The following MPDZ variants were observed in gnomAD, a reference collection of about 807,000 sequenced individuals.
MPDZ encodes multiple PDZ domain crumbs cell polarity complex component, also known as multiple PDZ domain protein.
In MPDZ, 234 loss-of-function variants were observed where a neutral mutation model predicts 239.1. The ratio of observed to expected loss-of-function variants is 0.98; its 90% CI spans 0.88 to 1.09. MPDZ has a LOEUF of 1.09. Among genes scored for constraint, MPDZ ranks in the 50% least tolerant of loss-of-function variants. The pLI is 0.00. For synonymous variants in MPDZ, 1,048 were observed against 881.3 expected (o/e 1.19, Z -3.35); for missense variants, 3,175 against 2,510.0 (o/e 1.26, Z -5.66).
At chr9:13,121,980 A>T (rs766651792) in intron 37 of MPDZ, 48 bp from the exon 38 acceptor site, 1 of 1,600,244 alleles carries the variant, frequency 6.2e-7, no homozygotes. Context: ...GAAGTAAAGG[A>T]GAGTTAGGTG....
intron 19 of MPDZ, among the ~76,000 whole-genome samples, chr9:13,181,369 G>T (rs1019298609): frequency 6.6e-6 from 1 of 152,128 alleles, no homozygotes; most frequent in Middle Eastern, 3.4e-3. Context: ...CAAAGAAACA[G>T]GAAGGACACA....
At chr9:13,168,630 T>A in intron 21 of MPDZ, 66 bp from the exon 22 acceptor site, 1 of 1,193,084 alleles carries the variant, frequency 8.4e-7, no homozygotes, top group African/African-American at 1.6e-5. Context: ...TAATTTGAAT[T>A]TAATAATTTC....
chr9:13,147,376 G>A (rs1272636208), intron 26 of MPDZ, among the ~76,000 whole-genome samples, 172 bp downstream of exon 26: 1 of 151,974 alleles, frequency 6.6e-6, no homozygotes, highest in Non-Finnish European at 1.5e-5. Flanking sequence ...CATGGTGGAA[G>A]GGATTTCCAG....
At chr9:13,218,142 A>G (rs1958607405) in intron 8 of MPDZ, among the ~76,000 whole-genome samples, 1 of 151,890 alleles carries the variant, frequency 6.6e-6, no homozygotes, top group Admixed American at 6.6e-5. Context: ...ACAAACTCTG[A>G]CAGTCCACTT....
intron 25 of MPDZ, among the ~76,000 whole-genome samples, chr9:13,149,732 GTC>G (rs1412668599): frequency 6.6e-6 from 1 of 151,994 alleles, no homozygotes; most frequent in African/African-American, 2.4e-5. Flanking sequence ...TGAGAGGAGA[GTC>G]TATTTAAAAT....
chr9:13,151,106 T>A (rs1262287948), intron 24 of MPDZ, among the ~76,000 whole-genome samples: 1 of 151,918 alleles, frequency 6.6e-6, no homozygotes, highest in Admixed American at 6.6e-5. Flanking sequence ...TAAGATACCA[T>A]CTCACATCCA....
At chr9:13,227,228 A>G (rs1290958864) in intron 3 of MPDZ, among the ~76,000 whole-genome samples, 1 of 152,282 alleles carries the variant, frequency 6.6e-6, no homozygotes, top group East Asian at 1.9e-4. Context: ...CTTAACCATT[A>G]TATTAGCTTT....
At chr9:13,201,267 A>C (rs1956354690) in intron 12 of MPDZ, among the ~76,000 whole-genome samples, 1 of 151,900 alleles carries the variant, frequency 6.6e-6, no homozygotes, top group African/African-American at 2.4e-5. Flanking sequence ...TTTGCATGAA[A>C]TTTCTCCATT....
chr9:13,252,613 G>C (rs916257084), intron 1 of MPDZ, among the ~76,000 whole-genome samples: 12 of 150,076 alleles, frequency 8.0e-5, no homozygotes, highest in African/African-American at 2.9e-4. Context: ...GCTCATGCCT[G>C]TAATCCCAGC....
Position 13,143,536 on chromosome 9 carries a change from T to C in MPDZ, c.3770A>G (p.Asn1257Ser), listed in dbSNP as rs774259721. 3.7e-6 allele frequency: 6 copies of C among 1,612,890 alleles called. No homozygotes were observed. Among genetic ancestry groups the C allele is most frequent in the African/African-American group, 2.7e-5 (2 of 74,852 alleles). The change falls in exon 27 of 47, where the codon AAC becomes AGC. Residue 1257 changes from asparagine to serine, a missense_variant. By Grantham distance (46) the Asn-to-Ser change is conservative (BLOSUM62 1). Transcript: ENST00000319217. ...GCTGAAGTTGTACTTAGGGTAAAGG[T>C]TGTGCAGCAAGGAAGGCAAAGGGGA... Reference protein sequence around the residue: ...RKSPLPSLLHNLYPKYNFSST... With the variant: ...RKSPLPSLLHSLYPKYNFSST...
At chr9:13,176,993 G>C (rs1156911020) in intron 19 of MPDZ, among the ~76,000 whole-genome samples, 1 of 152,114 alleles carries the variant, frequency 6.6e-6, no homozygotes, top group African/African-American at 2.4e-5. Context: ...CGATATAACA[G>C]AAGGAATAGT....
intron 1 of MPDZ, among the ~76,000 whole-genome samples, chr9:13,252,378 C>T (rs369573333): frequency 1.1e-4 from 17 of 151,434 alleles, no homozygotes; most frequent in Middle Eastern, 3.4e-3. Flanking sequence ...CCATCCTGGC[C>T]AACATGGTGA....
chr9:13,271,391 A>T (rs1972922531), intron 1 of MPDZ, among the ~76,000 whole-genome samples: 1 of 152,180 alleles, frequency 6.6e-6, no homozygotes, highest in Admixed American at 6.5e-5. Flanking sequence ...GGCAAATAGG[A>T]AACGGAAGAC....
In MPDZ at chr9:13,192,234, A is replaced by G; in HGVS notation, c.1865T>C (p.Leu622Pro). ...GCACACCATTGTCACTTCTATAGGCAGTTCTTTTAAGATATTCACCACATC... is the reference window on the plus strand; with the variant it reads ...GCACACCATTGTCACTTCTATAGGCGGTTCTTTTAAGATATTCACCACATC... ...HQDVVNILKE[L>P]PIEVTMVCCR... is the part of the protein sequence containing the mutation. The change falls in exon 15 of 47, where the codon CTG becomes CCG. Residue 622 changes from leucine to proline, a missense_variant. Transcript: ENST00000319217. The G allele has an allele frequency of 6.2e-7, 1 of 1,607,382 alleles. No individual in the cohort carries two copies. The highest frequency in any genetic ancestry group is 8.5e-7 in the Non-Finnish European group (1 of 1,176,362).
intron 31 of MPDZ, chr9:13,134,318 T>C (rs928225292): frequency 1.3e-5 from 2 of 152,410 alleles, no homozygotes; most frequent in East Asian, 3.9e-4. Context: ...ATCAAGTGAA[T>C]TGAAAACTTT....
At position 13,210,715 on chromosome 9, in the gene MPDZ, G is replaced by A. The variant is rs1024773639; in HGVS notation, c.1291-4616C>T. ...TACTACAGGACTCCAAGGGAATGAT[G>A]GGACTCAAAAGAGACAATCTATGAA... On this transcript the variant is annotated intron_variant, in intron 10 of 46. Transcript: ENST00000319217. Among the ~76,000 whole-genome samples the A allele has an allele frequency of 6.6e-5, 10 of 152,160 alleles. No homozygotes were observed. The South Asian group carries it at 8.3e-4, about 13-fold the overall frequency.
Position 13,186,206 on chromosome 9 carries a change from T to G in MPDZ, c.2481+64A>C, listed in dbSNP as rs767322406. On this transcript the variant is annotated intron_variant, in intron 18 of 46. Transcript: ENST00000319217. Reference sequence around the variant, plus strand: ...ATATAATAGACTTCTTCAGAATATTTTGAAAGGCAAAGTAAGACATATCAG... The same window carrying G: ...ATATAATAGACTTCTTCAGAATATTGTGAAAGGCAAAGTAAGACATATCAG... 3.5e-6 allele frequency: 3 copies of G among 858,916 alleles called. No homozygotes were observed. The African/African-American group carries it at 5.2e-5, about 15-fold the overall frequency. The allele number at this position is 858,916 out of a possible 1,614,324, so 53.2% of individuals were successfully genotyped here. A position where few individuals can be genotyped will look rare whatever the true frequency, so the allele number is the denominator to read the frequency against.
In MPDZ at chr9:13,256,796, G is replaced by A. The variant is rs117514560; in HGVS notation, c.-57-6424C>T. 3.0e-4 allele frequency among the ~76,000 whole-genome samples: 46 copies of A among 152,232 alleles called. 1 individual carries two copies. Among genetic ancestry groups the A allele is most frequent in the Admixed American group, 7.2e-4 (11 of 15,286 alleles). ...GAAATATTATAAGAATTAACAAAAC[G>A]TGACACACAGACACAAAGTAAGCAT... On this transcript the variant is annotated intron_variant, in intron 1 of 46. Coordinates refer to ENST00000319217, the MANE Select transcript of MPDZ (RefSeq NM_001378778.1).
intron 1 of MPDZ, chr9:13,276,790 T>C (rs1394168948): frequency 6.6e-6 from 1 of 152,188 alleles, no homozygotes; most frequent in African/African-American, 2.4e-5. Context: ...GACAAGACTA[T>C]GTCAGATCTG....
Sources: gnomAD v4.1 joint callset for allele counts (sites outside exome capture counted in the v4.1 genomes callset) on GRCh38, gnomAD v4.1.1 for gene constraint, MANE v1.5 for transcripts, NCBI Gene and HGNC (gene_info 2026-07-23, HGNC 2026-07-21) for gene names.